The following CLCN3 variants were observed in gnomAD, a reference collection of about 807,000 sequenced individuals.
The protein encoded by CLCN3 is H(+)/Cl(-) exchange transporter 3.
Under a neutral mutation model 83.4 loss-of-function variants are expected in CLCN3, and 16 were observed. That is an observed-to-expected ratio of 0.19 (90% CI 0.13 to 0.29). The LOEUF is 0.29. CLCN3 is among the 10% of genes least tolerant of loss of function. The pLI, the probability that CLCN3 is intolerant of heterozygous loss-of-function variation, is 1.00. For synonymous variants in CLCN3, 322 were observed against 346.2 expected, an observed-to-expected ratio of 0.93 and a Z score of 0.78; for missense variants, 544 against 1,006.0, an observed-to-expected ratio of 0.54 and a Z score of 6.21.
At chr4:169,690,501 T>G in intron 5 of CLCN3, 29 bp from the exon 6 acceptor site, 1 of 1,597,080 alleles carries the variant, frequency 6.3e-7, no homozygotes, top group South Asian at 1.1e-5. Flanking sequence ...GTAAATTAAA[T>G]TCATACTCTC....
chr4:169,675,268 T>C (rs1214968938), intron 2 of CLCN3, among the ~76,000 whole-genome samples: 3 of 152,248 alleles, frequency 2.0e-5, no homozygotes, highest in Non-Finnish European at 2.9e-5. Context: ...TCTTTGTGTA[T>C]TCCTCCCTTA....
In CLCN3 at chr4:169,691,896, G is replaced by A. The variant is rs141465224; in HGVS notation, c.730-218G>A. ...TTGATTTTGTTCCTGAGATAGTGTT[G>A]CCCTCTCTCCTTTCTTGGGTAGAGA... On this transcript the variant is annotated intron_variant, in intron 6 of 12. Transcript: ENST00000513761. Among the ~76,000 whole-genome samples the A allele has an allele frequency of 2.1e-3, 319 of 152,086 alleles. 1 individual carries two copies. The highest frequency in any genetic ancestry group is 3.0e-3 in the Non-Finnish European group (206 of 67,990).
intron 9 of CLCN3, 139 bp downstream of exon 9, chr4:169,697,873 T>C: frequency 1.5e-6 from 1 of 657,204 alleles, no homozygotes; most frequent in Non-Finnish European, 2.6e-6. Context: ...ATGAAAAAGA[T>C]AATTCCTTAG....
rs555934618 is a variant in CLCN3, at chr4:169,679,260, C to T, written c.161-790C>T. 7.5e-5 allele frequency among the ~76,000 whole-genome samples: 11 copies of T among 145,698 alleles called. No individual in the cohort carries two copies. The East Asian group carries it at 8.3e-4, about 11-fold the overall frequency. The stretch of plus-strand genomic sequence containing the variant: ...CTCCTCACATCCCAGAGGGGGCGGC[C>T]GGGCAGAGGCGCTCCCCACGTCCCA... On this transcript the variant is annotated intron_variant, in intron 2 of 12. Transcript: ENST00000513761.
chr4:169,644,870 G>A (rs72694755), intron 2 of CLCN3, among the ~76,000 whole-genome samples: 11,426 of 152,170 alleles, frequency 0.075, 487 homozygotes, highest in African/African-American at 0.12. Flanking sequence ...TAGCAGACAT[G>A]ATAATGGAAA....
intron 12 of CLCN3, among the ~76,000 whole-genome samples, chr4:169,714,916 G>A (rs562143271): frequency 1.3e-5 from 2 of 152,140 alleles, no homozygotes; most frequent in Admixed American, 6.5e-5. Flanking sequence ...TGATGGCACC[G>A]ACTTCATTAA....
At chr4:169,633,932 T>C (rs1773443181) in intron 1 of CLCN3, among the ~76,000 whole-genome samples, 1 of 145,434 alleles carries the variant, frequency 6.9e-6, no homozygotes, top group Non-Finnish European at 1.5e-5. Flanking sequence ...CTCTATAGGT[T>C]TCTGGGTTAA....
rs1382303808 is a variant in CLCN3 at position 169,697,565 on chromosome 4, C to A, written c.1394C>A (p.Pro465His). Residue 465 changes from proline to histidine, a missense_variant, in exon 9 of 13, where the codon CCC (proline) becomes CAC (histidine). Pro to His is a moderately conservative substitution (Grantham distance 77). Coordinates refer to ENST00000513761, the MANE Select transcript of CLCN3 (RefSeq NM_001829.4). ...AAAGAGCTTTTTACAGACTGTGGTC[C>A]CCTGGAATCCTCTTCTCTTTGTGAC... ...LIKELFTDCG[P>H]LESSSLCDYR... is the part of the protein sequence containing the mutation. 3 of 1,614,052 alleles carry A rather than the reference C, an allele frequency of 1.9e-6. No homozygotes were observed. The African/African-American group carries it at 4.0e-5, about 22-fold the overall frequency.
intron 2 of CLCN3, among the ~76,000 whole-genome samples, chr4:169,652,019 A>T (rs1227943226): frequency 1.3e-5 from 2 of 152,174 alleles, no homozygotes; most frequent in African/African-American, 4.8e-5. Flanking sequence ...GATACTTAGG[A>T]TATGTTTTTA....
intron 2 of CLCN3, chr4:169,659,955 CTTTATA>C (rs1358893151): frequency 3.2e-5 from 24 of 741,150 alleles, no homozygotes; most frequent in South Asian, 3.1e-4. Flanking sequence ...ACTTTTTCCC[CTTTATA>C]TTTATCTTAA....
At chr4:169,702,191 C>T (rs1732814516) in intron 9 of CLCN3, among the ~76,000 whole-genome samples, 1 of 152,152 alleles carries the variant, frequency 6.6e-6, no homozygotes, top group African/African-American at 2.4e-5. Context: ...GCTGTCTCAC[C>T]ATCATCACCT....
chr4:169,638,203 A>C (rs1730289082), intron 2 of CLCN3, among the ~76,000 whole-genome samples: 1 of 152,174 alleles, frequency 6.6e-6, no homozygotes, highest in Admixed American at 6.5e-5. Flanking sequence ...AGATTATTAC[A>C]TGTATCCTTG....
chr4:169,691,963 C>T lies in CLCN3; in HGVS notation c.730-151C>T, dbSNP rs1732391776. On this transcript the variant is annotated intron_variant, in intron 6 of 12. Transcript: ENST00000513761. ...AATTTATTATATGTAGCATAATAGG[C>T]AAAGTTTTCGAAAAATTAACTGTAA... The T allele has an allele frequency of 5.5e-6, 3 of 543,662 alleles. No individual in the cohort carries two copies. The East Asian group carries it at 9.2e-5, about 17-fold the overall frequency. 33.7% of individuals were successfully genotyped at this position (543,662 alleles called of 1,614,324 possible).
At chr4:169,664,920 G>A (rs1465961563) in intron 2 of CLCN3, among the ~76,000 whole-genome samples, 1 of 152,064 alleles carries the variant, frequency 6.6e-6, no homozygotes, top group African/African-American at 2.4e-5. Flanking sequence ...GCAGGAGACT[G>A]GTAGTTTAAA....
In CLCN3 at chr4:169,668,716, C is replaced by CA. The variant is rs569840659; in HGVS notation, c.161-11328dup. Among the ~76,000 whole-genome samples the CA allele has an allele frequency of 5.7e-4, 85 of 148,226 alleles. 5 individuals carry two copies. The South Asian group carries it at 0.018, about 32-fold the overall frequency. On this transcript the variant is annotated intron_variant, in intron 2 of 12. Transcript: ENST00000513761. ...CACTGGCATCCGGTAGTCAGCCCTC[C>CA]AAAAAAGTTTTTGATTTTTTTTTTT... is the stretch of plus-strand genomic sequence containing the variant.
At chr4:169,698,109 T>TTG (rs1453915093) in intron 9 of CLCN3, among the ~76,000 whole-genome samples, 1 of 152,196 alleles carries the variant, frequency 6.6e-6, no homozygotes, top group Non-Finnish European at 1.5e-5. Flanking sequence ...AAAACTGTTT[T>TTG]TGTGGATACA....
At chr4:169,694,223 G>A (rs554503274) in intron 7 of CLCN3, among the ~76,000 whole-genome samples, 1 of 152,176 alleles carries the variant, frequency 6.6e-6, no homozygotes, top group Non-Finnish European at 1.5e-5. Flanking sequence ...CTTTTATAAA[G>A]TATTTACTGG....
chr4:169,701,859 A>C (rs915434001), intron 9 of CLCN3, among the ~76,000 whole-genome samples: 2 of 152,020 alleles, frequency 1.3e-5, no homozygotes, highest in African/African-American at 4.8e-5. Flanking sequence ...TATTCCATTG[A>C]TTCTTCTTTT....
chr4:169,671,433 A>C, intron 2 of CLCN3, among the ~76,000 whole-genome samples: 1 of 151,974 alleles, frequency 6.6e-6, no homozygotes, highest in African/African-American at 2.4e-5. Context: ...AACATCACAC[A>C]CCGAGGCCTG....
Sources: gnomAD v4.1 joint callset for allele counts (sites outside exome capture counted in the v4.1 genomes callset) on GRCh38, gnomAD v4.1.1 for gene constraint, MANE v1.5 for transcripts, NCBI Gene and HGNC (gene_info 2026-07-23, HGNC 2026-07-21) for gene names.